The following SLC39A11 variants were observed in gnomAD, a reference collection of about 807,000 sequenced individuals.
The protein encoded by SLC39A11 is solute carrier family 39 member 11.
Under a neutral mutation model 36.1 loss-of-function variants are expected in SLC39A11, and 33 were observed. That is an observed-to-expected ratio of 0.91 (90% CI 0.69 to 1.22). The LOEUF (loss-of-function observed/expected upper bound fraction) is 1.22. SLC39A11 is among the 50% of genes most tolerant of loss of function. The pLI is 0.00. For synonymous variants in SLC39A11, 166 were observed against 170.3 expected (o/e 0.97, Z 0.20); for missense variants, 432 against 430.3 (o/e 1.00, Z -0.03).
At chr17:73,045,604 G>A (rs1429867213) in intron 3 of SLC39A11, among the ~76,000 whole-genome samples, 3 of 151,970 alleles carry the variant, frequency 2.0e-5, no homozygotes, top group Admixed American at 2.0e-4. Context: ...TAACGCTTAG[G>A]CTTTTTTGTT....
chr17:72,781,130 T>C (rs976319161), intron 6 of SLC39A11, among the ~76,000 whole-genome samples: 2 of 152,220 alleles, frequency 1.3e-5, no homozygotes, highest in Non-Finnish European at 2.9e-5. Flanking sequence ...TATTTTACCA[T>C]CACTAAAGTG....
intron 4 of SLC39A11, among the ~76,000 whole-genome samples, chr17:73,021,006 C>T (rs1402557982): frequency 1.3e-5 from 2 of 152,048 alleles, no homozygotes; most frequent in Non-Finnish European, 2.9e-5. Context: ...TTTGGCTTTC[C>T]AGTGCTTTTC....
rs527386416 is a variant in SLC39A11, at chr17:72,750,867, G to A, written c.602-14148C>T. On this transcript the variant is annotated intron_variant, in intron 6 of 9. Coordinates refer to ENST00000255559, the MANE Select transcript of SLC39A11 (RefSeq NM_139177.4). ...AGGTGTCAGACGGCAGCCTGTCAGCGCCCTGGGATAGGCCCCGTGTGGTCA... is the reference window on the plus strand; with the variant it reads ...AGGTGTCAGACGGCAGCCTGTCAGCACCCTGGGATAGGCCCCGTGTGGTCA... 5.3e-5 allele frequency among the ~76,000 whole-genome samples: 8 copies of A among 152,268 alleles called. No homozygotes were observed. In the South Asian group the frequency reaches 1.5e-3, roughly 28 times the overall value.
chr17:73,039,471 T>C (rs1341760266), intron 3 of SLC39A11, among the ~76,000 whole-genome samples: 2 of 152,346 alleles, frequency 1.3e-5, no homozygotes, highest in African/African-American at 4.8e-5. Flanking sequence ...ATTTGTTGCC[T>C]AATCGCATTC....
chr17:72,744,994 A>C (rs2074870729), intron 6 of SLC39A11, among the ~76,000 whole-genome samples: 2 of 152,218 alleles, frequency 1.3e-5, no homozygotes, highest in Non-Finnish European at 2.9e-5. Flanking sequence ...GGTGCGCACC[A>C]CCAGGCCTGG....
intron 5 of SLC39A11, among the ~76,000 whole-genome samples, chr17:72,887,655 T>C (rs2081502425): frequency 1.3e-5 from 2 of 152,356 alleles, no homozygotes; most frequent in East Asian, 3.9e-4. Context: ...CTATTACTGA[T>C]ATAAAAGATT....
At chr17:72,879,191 T>A (rs981853385) in intron 5 of SLC39A11, among the ~76,000 whole-genome samples, 1 of 152,218 alleles carries the variant, frequency 6.6e-6, no homozygotes, top group African/African-American at 2.4e-5. Context: ...TTGGGTTTTT[T>A]ATGGAGGCGT....
intron 5 of SLC39A11, among the ~76,000 whole-genome samples, chr17:72,874,717 C>T (rs899734625): frequency 1.3e-5 from 2 of 152,178 alleles, no homozygotes; most frequent in African/African-American, 4.8e-5. Flanking sequence ...GCAGAAGTAT[C>T]CTTGATGGAG....
chr17:72,736,864 C>T lies in SLC39A11; in HGVS notation c.602-145G>A, dbSNP rs77664571. 2.9e-3 allele frequency: 2,046 copies of T among 703,818 alleles called. 4 individuals are homozygous for T. The highest frequency in any genetic ancestry group is 4.1e-3 in the Non-Finnish European group (1,628 of 394,400). The allele number at this position is 703,818 out of a possible 1,614,324, so 43.6% of individuals were successfully genotyped here. On this transcript the variant is annotated intron_variant, in intron 6 of 9. Coordinates refer to ENST00000255559, the MANE Select transcript of SLC39A11 (RefSeq NM_139177.4). ...TAACAGCAGCTTAAACCCAGGGAAA[C>T]TAAGTCATGGGGGCCAAATGGCTGC...
chr17:72,679,993 GATCGAGCTA>G (rs2071440836), intron 7 of SLC39A11, among the ~76,000 whole-genome samples: 1 of 123,484 alleles, frequency 8.1e-6, no homozygotes, highest in African/African-American at 3.3e-5. Flanking sequence ...AGTGAGCCAA[GATCGAGCTA>G]CTGCACTCCA....
At chr17:72,758,011 C>T (rs986190273) in intron 6 of SLC39A11, among the ~76,000 whole-genome samples, 2 of 152,000 alleles carry the variant, frequency 1.3e-5, no homozygotes, top group African/African-American at 2.4e-5. Context: ...TCAGCCTCCC[C>T]GGTAGCTGGT....
At chr17:72,867,393 G>A (rs559865172) in intron 5 of SLC39A11, among the ~76,000 whole-genome samples, 1 of 152,138 alleles carries the variant, frequency 6.6e-6, no homozygotes, top group East Asian at 1.9e-4. Context: ...CCAGCTACTC[G>A]GGAGGCTGAG....
chr17:72,798,576 G>A lies in SLC39A11; in HGVS notation c.601+51058C>T, dbSNP rs191882195. The stretch of plus-strand genomic sequence containing the variant: ...TTACAGGCACCCACCACCATGCAGG[G>A]GTTTCACCACGTTGGTCAGGCTGGT... On this transcript the variant is annotated intron_variant, in intron 6 of 9. Transcript: ENST00000255559. 3.3e-5 allele frequency among the ~76,000 whole-genome samples: 5 copies of A among 151,932 alleles called. No individual in the cohort carries two copies. In the East Asian group the frequency reaches 5.8e-4, roughly 18 times the overall value.
chr17:72,791,691 C>T (rs2076710156), intron 6 of SLC39A11, among the ~76,000 whole-genome samples: 1 of 152,116 alleles, frequency 6.6e-6, no homozygotes, highest in South Asian at 2.1e-4. Flanking sequence ...GGGGAGGGAG[C>T]TCGTGAGAGG....
At chr17:72,873,544 T>C (rs1281991496) in intron 5 of SLC39A11, among the ~76,000 whole-genome samples, 5 of 152,204 alleles carry the variant, frequency 3.3e-5, no homozygotes, top group Non-Finnish European at 4.4e-5. Context: ...ATCAGTCAAC[T>C]GCACTAAGAA....
At chr17:72,969,635 A>C (rs570732474) in intron 4 of SLC39A11, among the ~76,000 whole-genome samples, 1 of 148,820 alleles carries the variant, frequency 6.7e-6, no homozygotes, top group Admixed American at 6.7e-5. Flanking sequence ...TCACTCACAC[A>C]CCTCTAATAT....
intron 4 of SLC39A11, among the ~76,000 whole-genome samples, chr17:72,976,711 A>C (rs1032824404): frequency 2.6e-5 from 4 of 152,034 alleles, no homozygotes; most frequent in Non-Finnish European, 5.9e-5. Context: ...TTAGCCTGGC[A>C]TGGTGGCACG....
In SLC39A11 at chr17:73,037,998, G is replaced by A. The variant is rs546379267; in HGVS notation, c.148-6284C>T. 1.1e-4 allele frequency among the ~76,000 whole-genome samples: 16 copies of A among 152,336 alleles called. No individual in the cohort carries two copies. The South Asian group carries it at 2.5e-3, about 24-fold the overall frequency. ...AGCACTTTGGGAGGCCGAGGCAGGC[G>A]GATCACCTGAGGTTAGGAGTTCATG... On this transcript the variant is annotated intron_variant, in intron 3 of 9. Coordinates refer to ENST00000255559, the MANE Select transcript of SLC39A11 (RefSeq NM_139177.4).
chr17:72,775,482 G>A (rs2076100531), intron 6 of SLC39A11, among the ~76,000 whole-genome samples: 1 of 152,216 alleles, frequency 6.6e-6, no homozygotes, highest in Admixed American at 6.5e-5. Flanking sequence ...AGGTGACTGG[G>A]CTGCAAGGTA....
Sources: gnomAD v4.1 joint callset for allele counts (sites outside exome capture counted in the v4.1 genomes callset) on GRCh38, gnomAD v4.1.1 for gene constraint, MANE v1.5 for transcripts, NCBI Gene and HGNC (gene_info 2026-07-23, HGNC 2026-07-21) for gene names.